The following CCSER1 variants were observed in gnomAD, a reference collection of about 807,000 sequenced individuals.
CCSER1 encodes serine-rich coiled-coil domain-containing protein 1.
CCSER1 carries 41 observed loss-of-function variants against 82.0 expected under a neutral mutation model. The observed-to-expected ratio is 0.50, with a 90% CI of 0.39 to 0.65. The LOEUF is 0.65. Among genes scored for constraint, CCSER1 ranks in the 30% least tolerant of loss-of-function variants. The pLI, the probability that CCSER1 is intolerant of heterozygous loss-of-function variation, is 0.00. For missense variants in CCSER1, 1,119 were observed against 1,064.2 expected, an observed-to-expected ratio of 1.05 and a Z score of -0.72; for synonymous variants, 414 against 383.9, an observed-to-expected ratio of 1.08 and a Z score of -0.92.
At chr4:91,386,022 A>G (rs1751263245) in intron 10 of CCSER1, among the ~76,000 whole-genome samples, 1 of 151,882 alleles carries the variant, frequency 6.6e-6, no homozygotes, top group Admixed American at 6.6e-5. Flanking sequence ...ATGCATACAT[A>G]TATGCTTCTA....
intron 8 of CCSER1, among the ~76,000 whole-genome samples, chr4:90,825,880 C>T (rs116162327): frequency 0.096 from 14,519 of 151,590 alleles, 743 homozygotes; most frequent in Admixed American, 0.14. Flanking sequence ...TTAGTAGAGA[C>T]GGGGTTTCGC....
chr4:91,404,373 G>A (rs922831720), intron 10 of CCSER1, among the ~76,000 whole-genome samples: 4 of 151,948 alleles, frequency 2.6e-5, no homozygotes, highest in African/African-American at 9.7e-5. Flanking sequence ...TTCTTGAAGG[G>A]TTTTTTTCTG....
chr4:90,570,554 T>G lies in CCSER1; in HGVS notation c.1725-57471T>G, dbSNP rs185713997. Among the ~76,000 whole-genome samples, 7 of 152,250 alleles carry G rather than the reference T, an allele frequency of 4.6e-5. No homozygotes were observed. In the East Asian group the frequency reaches 1.4e-3, roughly 30 times the overall value. ...GACTGATGGTCCCCTGGGAGTTGCATGCCTCCTGGTGACCTCCTTCAACAT... is the reference window on the plus strand; with the variant it reads ...GACTGATGGTCCCCTGGGAGTTGCAGGCCTCCTGGTGACCTCCTTCAACAT... On this transcript the variant is annotated intron_variant, in intron 5 of 10. Transcript: ENST00000509176.
intron 10 of CCSER1, among the ~76,000 whole-genome samples, chr4:91,547,910 T>G (rs1402774979): frequency 1.3e-5 from 2 of 152,070 alleles, no homozygotes; most frequent in Non-Finnish European, 2.9e-5. Context: ...GTCTCCCACG[T>G]AGCTGGGATT....
At chr4:90,155,947 T>C (rs1315250662) in intron 1 of CCSER1, among the ~76,000 whole-genome samples, 1 of 152,030 alleles carries the variant, frequency 6.6e-6, no homozygotes, top group African/African-American at 2.4e-5. Flanking sequence ...CTTTTCTAGT[T>C]CTTTTAATTG....
At chr4:90,168,400 A>C (rs1171858733) in intron 1 of CCSER1, among the ~76,000 whole-genome samples, 1 of 152,052 alleles carries the variant, frequency 6.6e-6, no homozygotes, top group African/African-American at 2.4e-5. Context: ...AGTAGATTGA[A>C]AAAATTTTCT....
At chr4:90,237,930 A>G (rs1746100615) in intron 1 of CCSER1, among the ~76,000 whole-genome samples, 1 of 152,224 alleles carries the variant, frequency 6.6e-6, no homozygotes, top group Non-Finnish European at 1.5e-5. Flanking sequence ...CAAGTTGCTC[A>G]GTGAGCCCTG....
intron 5 of CCSER1, among the ~76,000 whole-genome samples, chr4:90,561,343 G>T (rs1778737008): frequency 6.6e-6 from 1 of 152,152 alleles, no homozygotes; most frequent in Admixed American, 6.5e-5. Flanking sequence ...ATTGGTTTAT[G>T]GATCCAGGGT....
chr4:90,697,542 C>A (rs1194534703), intron 6 of CCSER1, among the ~76,000 whole-genome samples: 1 of 152,084 alleles, frequency 6.6e-6, no homozygotes, highest in East Asian at 1.9e-4. Context: ...AAAAACAATT[C>A]TTACCTACTT....
At chr4:90,319,523 C>T (rs995285506) in intron 3 of CCSER1, among the ~76,000 whole-genome samples, 2 of 151,954 alleles carry the variant, frequency 1.3e-5, no homozygotes, top group South Asian at 2.1e-4. Flanking sequence ...TGGTGGCACG[C>T]GCCTGTAGTC....
At chr4:91,289,436 A>G (rs891316402) in intron 10 of CCSER1, among the ~76,000 whole-genome samples, 4 of 152,084 alleles carry the variant, frequency 2.6e-5, no homozygotes, top group Non-Finnish European at 5.9e-5. Flanking sequence ...AAATAATTAC[A>G]ATTATTGTGT....
chr4:90,943,190 A>G (rs1232942794), intron 9 of CCSER1, among the ~76,000 whole-genome samples: 1 of 152,082 alleles, frequency 6.6e-6, no homozygotes, highest in East Asian at 1.9e-4. Context: ...TTCACTAAAG[A>G]TAACAACAGT....
At chr4:91,422,230 C>T (rs1753718143) in intron 10 of CCSER1, among the ~76,000 whole-genome samples, 3 of 152,096 alleles carry the variant, frequency 2.0e-5, no homozygotes, top group South Asian at 4.2e-4. Context: ...AAAAAAAAAC[C>T]CCTGTACATT....
chr4:91,001,825 T>C (rs1290246375), intron 9 of CCSER1, among the ~76,000 whole-genome samples: 2 of 152,218 alleles, frequency 1.3e-5, no homozygotes, highest in African/African-American at 4.8e-5. Context: ...CCTTTTTTTC[T>C]TTAATTGTAT....
chr4:90,413,016 C>G (rs1276924189), intron 4 of CCSER1, among the ~76,000 whole-genome samples: 1 of 152,040 alleles, frequency 6.6e-6, no homozygotes, highest in Non-Finnish European at 1.5e-5. Flanking sequence ...CAAGCTGTCA[C>G]TGTTTGCTGA....
At chr4:90,375,728 C>G (rs1748194711) in intron 3 of CCSER1, among the ~76,000 whole-genome samples, 1 of 152,128 alleles carries the variant, frequency 6.6e-6, no homozygotes, top group Admixed American at 6.5e-5. Context: ...AAAACATTGC[C>G]AAACCTCTGG....
intron 10 of CCSER1, among the ~76,000 whole-genome samples, chr4:91,427,826 T>G (rs953270451): frequency 2.6e-5 from 4 of 152,116 alleles, no homozygotes; most frequent in African/African-American, 9.6e-5. Flanking sequence ...TGACATGGAA[T>G]TTTAAATGAT....
chr4:90,984,849 G>T (rs1203565890), intron 9 of CCSER1, among the ~76,000 whole-genome samples: 1 of 151,764 alleles, frequency 6.6e-6, no homozygotes, highest in Admixed American at 6.6e-5. Context: ...TAGTATCTTA[G>T]TGAATTATTC....
chr4:91,155,007 T>C (rs1481500475), intron 10 of CCSER1, among the ~76,000 whole-genome samples: 2 of 147,654 alleles, frequency 1.4e-5, no homozygotes, highest in Non-Finnish European at 3.0e-5. Context: ...ATGTTTATTA[T>C]TAAAGTAACA....
Sources: allele counts gnomAD v4.1 joint callset (sites outside exome capture counted in the v4.1 genomes callset), GRCh38; gene constraint gnomAD v4.1.1; transcripts MANE v1.5; gene names NCBI Gene and HGNC (gene_info 2026-07-23, HGNC 2026-07-21).